Variants in MPC1 observed in about 807,000 individuals in gnomAD.
MPC1 encodes the protein mitochondrial pyruvate carrier 1.
A neutral mutation model predicts 13.9 loss-of-function variants in MPC1; 6 were observed. That is an observed-to-expected ratio of 0.43 (90% CI 0.24 to 0.85). MPC1 has a LOEUF of 0.85. Ranked by LOEUF, MPC1 falls within the 40% of genes least tolerant of loss-of-function variation. The pLI, the probability that MPC1 is intolerant of heterozygous loss-of-function variation, is 0.24. For synonymous variants in MPC1, 47 were observed against 50.5 expected (o/e 0.93, Z 0.29); for missense variants, 115 against 143.3 (o/e 0.80, Z 1.01).
chr6:166,367,359 A>C (rs112095807), intron 2 of MPC1, among the ~76,000 whole-genome samples: 1 of 152,236 alleles, frequency 6.6e-6, no homozygotes, highest in Non-Finnish European at 1.5e-5. Context: ...TGCAGACCCT[A>C]AATTGGGTAC....
Position 166,375,396 on chromosome 6 carries a change from G to A in MPC1, c.72-5175C>T, listed in dbSNP as rs75075893. On this transcript the variant is annotated intron_variant, in intron 1 of 4. Transcript: ENST00000360961. The stretch of plus-strand genomic sequence containing the variant: ...CTGCAGAAAGCAAACTGTGGATAAG[G>A]GGGGTGGAGAGCTACTGTATTTCCC... Among the ~76,000 whole-genome samples the A allele has an allele frequency of 6.1e-4, 93 of 152,088 alleles. 3 individuals carry two copies. In the East Asian group the frequency reaches 0.016, roughly 26 times the overall value.
intron 1 of MPC1, among the ~76,000 whole-genome samples, chr6:166,375,140 A>C (rs1385233936): frequency 6.6e-6 from 1 of 152,236 alleles, no homozygotes; most frequent in Non-Finnish European, 1.5e-5. Context: ...ATACCACAAC[A>C]ATGGCTAAGT....
chr6:166,370,324 C>T (rs1779332396), intron 1 of MPC1, 103 bp from the exon 2 acceptor site: 2 of 649,556 alleles, frequency 3.1e-6, no homozygotes, highest in Admixed American at 2.6e-5. Flanking sequence ...CAACCTCACA[C>T]CTGTATTCAA....
chr6:166,376,768 G>A (rs1304789573), intron 1 of MPC1, among the ~76,000 whole-genome samples: 1 of 152,092 alleles, frequency 6.6e-6, no homozygotes, highest in Non-Finnish European at 1.5e-5. Context: ...TCCATCTATA[G>A]CTACCAACGC....
chr6:166,378,009 C>T (rs965047415), intron 1 of MPC1, among the ~76,000 whole-genome samples: 2 of 152,220 alleles, frequency 1.3e-5, no homozygotes, highest in African/African-American at 4.8e-5. Flanking sequence ...CTATGCATTA[C>T]TATTTTCCTT....
chr6:166,370,012 G>A (rs1396486747), intron 2 of MPC1: 3 of 704,002 alleles, frequency 4.3e-6, no homozygotes, highest in Admixed American at 2.0e-5. Flanking sequence ...ACAGGAGTAG[G>A]GAGCAGCCCC....
intron 1 of MPC1, among the ~76,000 whole-genome samples, chr6:166,373,946 T>G (rs9366009): frequency 0.77 from 116,642 of 152,016 alleles, 45,082 homozygotes; most frequent in East Asian, 0.96. Context: ...ATTTTTAATT[T>G]AGTTCCTTTC....
At chr6:166,382,259 C>G (rs1779819936) in intron 1 of MPC1, among the ~76,000 whole-genome samples, 1 of 148,184 alleles carries the variant, frequency 6.7e-6, no homozygotes, top group Non-Finnish European at 1.5e-5. Context: ...TCCCCATGGT[C>G]ACCCTGTCCT....
Position 166,365,985 on chromosome 6 carries a change from A to G in MPC1, c.294T>C (p.Leu98=), listed in dbSNP as rs1779135144. 1.9e-6 allele frequency: 3 copies of G among 1,612,884 alleles called. No individual in the cohort carries two copies. The highest frequency in any genetic ancestry group is 4.5e-5 in the East Asian group (2 of 44,874). ...TGAAATCTGCTTACTCGTGTTTGAT[A>G]AGCCGCCCTCCCTGGATGAGCTGGG... The part of the protein sequence containing the change: ...EVAQLIQGGR[L]IKHEMTKTAS... Residue 98 remains leucine, a synonymous_variant, in exon 4 of 5, where the codon CTT becomes CTC. Transcript: ENST00000360961. The surrounding 1 kb of genome is among the most constrained non-coding windows in gnomAD (Gnocchi z 4.2).
chr6:166,366,026 C>T lies in MPC1; in HGVS notation c.253G>A (p.Ala85Thr), dbSNP rs139776186. The T allele has an allele frequency of 2.0e-5, 33 of 1,613,586 alleles. No individual in the cohort carries two copies. Among genetic ancestry groups the T allele is most frequent in the East Asian group, 2.0e-4 (9 of 44,884 alleles). ...PRNWLLFACHATNEVAQLIQG... is the reference protein window; with the variant it reads ...PRNWLLFACHTTNEVAQLIQG... ...ATGAGCTGGGCTACTTCATTTGTTGCGTGGCATGCAAACAGAAGCCAGTTC... is the reference window on the plus strand; with the variant it reads ...ATGAGCTGGGCTACTTCATTTGTTGTGTGGCATGCAAACAGAAGCCAGTTC... Residue 85 changes from alanine to threonine, a missense_variant, in exon 4 of 5, where the codon GCA (alanine) becomes ACA (threonine). By Grantham distance (58) the Ala-to-Thr change is moderately conservative. This residue lies in a region of MPC1 where 71 missense variants were observed against 88.5 expected (regional missense o/e 0.80). Coordinates refer to ENST00000360961, the MANE Select transcript of MPC1 (RefSeq NM_016098.4).
At chr6:166,372,069 C>T (rs1028890482) in intron 1 of MPC1, among the ~76,000 whole-genome samples, 8 of 152,122 alleles carry the variant, frequency 5.3e-5, no homozygotes, top group Non-Finnish European at 2.9e-5. Context: ...CAAGTACAAA[C>T]TGACCACAAT....
chr6:166,376,972 G>T (rs1779591105), intron 1 of MPC1, among the ~76,000 whole-genome samples: 1 of 152,014 alleles, frequency 6.6e-6, no homozygotes, highest in Admixed American at 6.6e-5. Flanking sequence ...TGATATAGTT[G>T]TATTACTATT....
chr6:166,376,389 A>G (rs1048797398), intron 1 of MPC1, among the ~76,000 whole-genome samples: 28 of 152,300 alleles, frequency 1.8e-4, no homozygotes, highest in Non-Finnish European at 3.1e-4. Context: ...CCAAAAGCCC[A>G]AGAACCTAGT....
intron 1 of MPC1, among the ~76,000 whole-genome samples, chr6:166,376,815 C>T (rs1466139740): frequency 6.6e-6 from 1 of 152,210 alleles, no homozygotes; most frequent in Non-Finnish European, 1.5e-5. Flanking sequence ...ACACCTATCT[C>T]TACCTATTTA....
chr6:166,381,746 T>C (rs1275333468), intron 1 of MPC1: 1 of 905,932 alleles, frequency 1.1e-6, no homozygotes, highest in Non-Finnish European at 1.3e-6. Flanking sequence ...AAGGAGGAGT[T>C]AACAGAAAAT....
At chr6:166,378,387 G>A (rs559001565) in intron 1 of MPC1, among the ~76,000 whole-genome samples, 1 of 151,090 alleles carries the variant, frequency 6.6e-6, no homozygotes, top group Admixed American at 6.6e-5. Context: ...TTCTTCTTAA[G>A]AAAACATCCT....
At chr6:166,380,066 C>T (rs1254028549) in intron 1 of MPC1, among the ~76,000 whole-genome samples, 1 of 152,234 alleles carries the variant, frequency 6.6e-6, no homozygotes, top group Non-Finnish European at 1.5e-5. Context: ...CTGAATGTTT[C>T]ACATCACGTG....
chr6:166,382,509 A>AC (rs1779835801), intron 1 of MPC1, among the ~76,000 whole-genome samples: 1 of 143,464 alleles, frequency 7.0e-6, no homozygotes, highest in Admixed American at 6.8e-5. Context: ...GCCCACTGTC[A>AC]CCCTGCCGGG....
chr6:166,380,230 G>C (rs937061449), intron 1 of MPC1, among the ~76,000 whole-genome samples: 1 of 152,200 alleles, frequency 6.6e-6, no homozygotes, highest in East Asian at 1.9e-4. Context: ...GAGTTTCCAA[G>C]TATTTTCACA....
Sources: allele counts gnomAD v4.1 joint callset (sites outside exome capture counted in the v4.1 genomes callset), GRCh38; gene constraint gnomAD v4.1.1; regional missense constraint gnomAD v4.1.1; non-coding constraint Gnocchi (gnomAD v3.1); transcripts MANE v1.5; gene names NCBI Gene and HGNC (gene_info 2026-07-23, HGNC 2026-07-21).